Variants in PAK1 observed in about 807,000 individuals in gnomAD.
PAK1 encodes the protein serine/threonine-protein kinase PAK 1.
In PAK1, 29 loss-of-function variants were observed where a neutral mutation model predicts 67.4. The ratio of observed to expected loss-of-function variants is 0.43; its 90% CI spans 0.32 to 0.59. The LOEUF is 0.59. Among genes scored for constraint, PAK1 ranks in the 20% least tolerant of loss-of-function variants. The pLI is 0.07. For synonymous variants in PAK1, 223 were observed against 237.4 expected, an observed-to-expected ratio of 0.94 and a Z score of 0.56; for missense variants, 337 against 670.7, an observed-to-expected ratio of 0.50 and a Z score of 5.50.
At chr11:77,421,833 G>A (rs116184131) in intron 1 of PAK1, among the ~76,000 whole-genome samples, 195 of 152,276 alleles carry the variant, frequency 1.3e-3, no homozygotes, top group African/African-American at 4.4e-3. Flanking sequence ...AATTCTATAA[G>A]AACATTATAA....
At chr11:77,405,627 A>T (rs1953380989) in intron 1 of PAK1, among the ~76,000 whole-genome samples, 1 of 151,318 alleles carries the variant, frequency 6.6e-6, no homozygotes, top group African/African-American at 2.4e-5. Flanking sequence ...GGTGAATGTA[A>T]ACAAGTTTTG....
At chr11:77,427,125 A>G (rs1955592589) in intron 1 of PAK1, among the ~76,000 whole-genome samples, 1 of 152,144 alleles carries the variant, frequency 6.6e-6, no homozygotes, top group African/African-American at 2.4e-5. Flanking sequence ...ACAGCTCCAA[A>G]AAGTGCAGAC....
At position 77,340,683 on chromosome 11, in the gene PAK1, C is replaced by A; in HGVS notation, c.1079G>T (p.Cys360Phe). ...GSLTDVVTET[C>F]MDEGQIAAVC... ...AGCTGCAATTTGGCCTTCATCCATG[C>A]AAGTTTCTGTCACCACATCTGTCAA... Residue 360 changes from cysteine to phenylalanine, a missense_variant, in exon 11 of 15, where the codon TGC becomes TTC. This residue lies in a region of PAK1 where 25 missense variants were observed against 47.6 expected (regional missense o/e 0.53). Coordinates refer to ENST00000356341, the MANE Select transcript of PAK1 (RefSeq NM_002576.5). The A allele has an allele frequency of 6.2e-7, 1 of 1,610,666 alleles. No homozygotes were observed. The highest frequency in any genetic ancestry group is 8.5e-7 in the Non-Finnish European group (1 of 1,176,818).
At chr11:77,524,685 T>C in the PAK1 span, among the ~76,000 whole-genome samples, 383 of 152,354 alleles carry the variant, frequency 2.5e-3, no homozygotes, top group Middle Eastern at 0.014. Flanking sequence ...GCCTGAGTCA[T>C]ACTGGAAGAT....
chr11:77,421,733 T>C (rs1424165129), intron 1 of PAK1, among the ~76,000 whole-genome samples: 4 of 152,162 alleles, frequency 2.6e-5, no homozygotes, highest in African/African-American at 9.7e-5. Flanking sequence ...CCTAAAGTAA[T>C]TGTCCAAGAG....
At chr11:77,398,990 C>A (rs1952219338) in intron 1 of PAK1, among the ~76,000 whole-genome samples, 2 of 152,098 alleles carry the variant, frequency 1.3e-5, no homozygotes, top group South Asian at 2.1e-4. Flanking sequence ...CTTATTCCTC[C>A]AATCAAAAAA....
the PAK1 span, among the ~76,000 whole-genome samples, chr11:77,497,486 C>T: frequency 1.3e-5 from 2 of 152,178 alleles, no homozygotes; most frequent in South Asian, 2.1e-4. Context: ...TCAAAGTGCA[C>T]ATACCAACTG....
chr11:77,344,957 T>G (rs75274851), intron 9 of PAK1, among the ~76,000 whole-genome samples: 2,824 of 152,218 alleles, frequency 0.019, 87 homozygotes, highest in African/African-American at 0.064. Flanking sequence ...TGGTATCTAG[T>G]CCCCCTTCCT....
intron 2 of PAK1, 108 bp from the exon 3 acceptor site, chr11:77,380,102 C>T: frequency 4.2e-6 from 3 of 709,926 alleles, no homozygotes; most frequent in Non-Finnish European, 7.0e-6. Flanking sequence ...CAAAGTCTAT[C>T]TATTAATATT....
At chr11:77,488,633 G>A in the PAK1 span, among the ~76,000 whole-genome samples, 1 of 151,930 alleles carries the variant, frequency 6.6e-6, no homozygotes, top group African/African-American at 2.4e-5. Context: ...AAATTCTGGA[G>A]GTGAAAAATA....
intron 1 of PAK1, among the ~76,000 whole-genome samples, chr11:77,395,010 A>G (rs1312814869): frequency 6.6e-6 from 1 of 151,874 alleles, no homozygotes; most frequent in Non-Finnish European, 1.5e-5. Context: ...TCCACACCCA[A>G]CTTCTCCAAC....
intron 1 of PAK1, among the ~76,000 whole-genome samples, chr11:77,452,467 G>A (rs1956901443): frequency 6.6e-6 from 1 of 152,142 alleles, no homozygotes; most frequent in African/African-American, 2.4e-5. Context: ...AATATTGAAT[G>A]AGCTGCTTTT....
intron 2 of PAK1, among the ~76,000 whole-genome samples, chr11:77,380,384 T>C (rs1214227120): frequency 3.9e-5 from 6 of 152,160 alleles, no homozygotes; most frequent in Non-Finnish European, 8.8e-5. Flanking sequence ...TGCCAGCTAC[T>C]TGTGAAGCTG....
At chr11:77,470,609 C>CA (rs1957806886) in intron 1 of PAK1, among the ~76,000 whole-genome samples, 1 of 152,092 alleles carries the variant, frequency 6.6e-6, no homozygotes, top group African/African-American at 2.4e-5. Context: ...GTGAAAGAAA[C>CA]AAAGCATTTT....
At chr11:77,497,647 C>T in the PAK1 span, among the ~76,000 whole-genome samples, 2 of 152,218 alleles carry the variant, frequency 1.3e-5, no homozygotes, top group Non-Finnish European at 2.9e-5. Context: ...GCTGCTTGAG[C>T]CAAGAATTCC....
At chr11:77,407,410 TGA>T (rs1386936143) in intron 1 of PAK1, among the ~76,000 whole-genome samples, 3 of 152,192 alleles carry the variant, frequency 2.0e-5, no homozygotes, top group Non-Finnish European at 2.9e-5. Context: ...TATTAGTCTG[TGA>T]GTTTTTCGAG....
At chr11:77,415,263 C>T (rs1011527958) in intron 1 of PAK1, among the ~76,000 whole-genome samples, 2 of 152,204 alleles carry the variant, frequency 1.3e-5, no homozygotes, top group Non-Finnish European at 2.9e-5. Context: ...GGAACTCTCT[C>T]GTTCATTGCT....
the PAK1 span, among the ~76,000 whole-genome samples, chr11:77,489,546 C>T: frequency 1.3e-5 from 2 of 152,186 alleles, no homozygotes; most frequent in East Asian, 3.9e-4. Flanking sequence ...TGCAACCTCC[C>T]TGCCTGATTC....
At chr11:77,484,197 C>CA in the PAK1 span, among the ~76,000 whole-genome samples, 12,859 of 116,584 alleles carry the variant, frequency 0.11, 811 homozygotes, top group African/African-American at 0.2. Context: ...ATGAGTAAGC[C>CA]AAAAAAAAAA....
Sources: allele counts gnomAD v4.1 joint callset (sites outside exome capture counted in the v4.1 genomes callset), GRCh38; gene constraint gnomAD v4.1.1; regional missense constraint gnomAD v4.1.1; transcripts MANE v1.5; gene names NCBI Gene and HGNC (gene_info 2026-07-23, HGNC 2026-07-21).